The following STIMATE variants were observed in gnomAD, a reference collection of about 807,000 sequenced individuals.
STIMATE encodes store-operated calcium entry regulator STIMATE.
A neutral mutation model predicts 36.7 loss-of-function variants in STIMATE; 15 were observed. That is an observed-to-expected ratio of 0.41 (90% CI 0.27 to 0.63). The LOEUF (loss-of-function observed/expected upper bound fraction) is 0.63, where lower values mean the gene tolerates loss of function less well. Among genes scored for constraint, STIMATE ranks in the 20% least tolerant of loss-of-function variants. STIMATE has a pLI of 0.32. For missense variants in STIMATE, 305 were observed against 397.3 expected (o/e 0.77, Z 1.98); for synonymous variants, 163 against 162.3 (o/e 1.00, Z -0.03).
At chr3:52,880,000 G>A (rs1330906783) in intron 1 of STIMATE, among the ~76,000 whole-genome samples, 1 of 152,174 alleles carries the variant, frequency 6.6e-6, no homozygotes, top group Non-Finnish European at 1.5e-5. Context: ...TGTCTTCTTT[G>A]ATTCCTGCCT....
intron 5 of STIMATE, among the ~76,000 whole-genome samples, 168 bp from the exon 6 acceptor site, chr3:52,843,966 C>T (rs576830865): frequency 6.6e-6 from 1 of 152,300 alleles, no homozygotes; most frequent in Admixed American, 6.5e-5. Context: ...AGACTGTCCA[C>T]AAGGAACCCT....
chr3:52,870,147 G>A (rs142471795), intron 1 of STIMATE, among the ~76,000 whole-genome samples: 4 of 152,258 alleles, frequency 2.6e-5, no homozygotes, highest in African/African-American at 7.2e-5. Context: ...TTGTAGAGAC[G>A]GGGTTTCACC....
In STIMATE at chr3:52,852,302, C is replaced by T. The variant is rs145433164; in HGVS notation, c.305+301G>A. 8.5e-5 allele frequency among the ~76,000 whole-genome samples: 13 copies of T among 152,224 alleles called. No homozygotes were observed. In the East Asian group the frequency reaches 2.3e-3, roughly 27 times the overall value. On this transcript the variant is annotated intron_variant, in intron 3 of 7. Coordinates refer to ENST00000355083, the MANE Select transcript of STIMATE (RefSeq NM_198563.5). ...GGGCATTATCCTTCCTTGCCAGGGG[C>T]GGCTTGGAAACTGGGAGACATAAGG...
intron 1 of STIMATE, among the ~76,000 whole-genome samples, chr3:52,894,170 C>T (rs867198877): frequency 6.6e-6 from 1 of 152,240 alleles, no homozygotes; most frequent in Non-Finnish European, 1.5e-5. Flanking sequence ...CTAGCAGACA[C>T]TTCAGAAAAC....
intron 1 of STIMATE, among the ~76,000 whole-genome samples, chr3:52,881,061 C>T (rs1488511796): frequency 6.6e-6 from 1 of 152,064 alleles, no homozygotes; most frequent in African/African-American, 2.4e-5. Flanking sequence ...GGTGGGCATG[C>T]CTGTAATCCC....
At position 52,836,799 on chromosome 3, in the gene STIMATE, C is replaced by T. The variant is rs1365004616; in HGVS notation, c.*3695G>A. On this transcript the variant is annotated 3_prime_UTR_variant, in exon 8 of 8. Coordinates refer to ENST00000355083, the MANE Select transcript of STIMATE (RefSeq NM_198563.5). ...TGTAAACCATTTTACAATGTAAGTA[C>T]ATCATCTTCTCTTTCATTTCAAAAA... 4 of 296,060 alleles carry T rather than the reference C, an allele frequency of 1.4e-5. No homozygotes were observed. The highest frequency in any genetic ancestry group is 3.1e-5 in the South Asian group (1 of 32,712). 18.3% of individuals were successfully genotyped at this position (296,060 alleles called of 1,614,324 possible).
chr3:52,874,787 A>C (rs1054948793), intron 1 of STIMATE, among the ~76,000 whole-genome samples: 1 of 152,230 alleles, frequency 6.6e-6, no homozygotes, highest in South Asian at 2.1e-4. Flanking sequence ...GGTTGCAGTG[A>C]GCCAAAATCT....
chr3:52,843,254 G>T (rs11720228), intron 6 of STIMATE: 1 of 452,872 alleles, frequency 2.2e-6, no homozygotes. Context: ...CTCTGGACAC[G>T]CGTTCCAGGC....
At position 52,861,583 on chromosome 3, in the gene STIMATE, G is replaced by A. The variant is rs552464161; in HGVS notation, c.161-6139C>T. Among the ~76,000 whole-genome samples the A allele has an allele frequency of 1.5e-3, 228 of 152,326 alleles. 1 individual carries two copies. The highest frequency in any genetic ancestry group is 2.9e-3 in the African/African-American group (122 of 41,572). ...GGGGCTGCTATGACCGGCTAGGCAC[G>A]TTGTCTCCAGGATTAAATGAGAAGA... On this transcript the variant is annotated intron_variant, in intron 1 of 7. Transcript: ENST00000355083.
chr3:52,845,090 A>T (rs1700871555), intron 4 of STIMATE, 149 bp from the exon 5 acceptor site: 1 of 617,892 alleles, frequency 1.6e-6, no homozygotes. Flanking sequence ...CCAAAGGATT[A>T]CCTCATCCTT....
intron 1 of STIMATE, among the ~76,000 whole-genome samples, chr3:52,874,631 C>T (rs373318406): frequency 2.0e-5 from 3 of 152,216 alleles, no homozygotes; most frequent in African/African-American, 7.2e-5. Flanking sequence ...GAGGCTGAGC[C>T]GGGCGGATCA....
chr3:52,883,180 C>A (rs1701637485), intron 1 of STIMATE, among the ~76,000 whole-genome samples: 1 of 152,186 alleles, frequency 6.6e-6, no homozygotes, highest in Admixed American at 6.5e-5. Context: ...GTTTTTAAAT[C>A]TGCTTTCATT....
intron 3 of STIMATE, among the ~76,000 whole-genome samples, chr3:52,851,746 A>G (rs1701003404): frequency 6.6e-6 from 1 of 152,244 alleles, no homozygotes; most frequent in Non-Finnish European, 1.5e-5. Flanking sequence ...TCACTTAGCA[A>G]ACATTTACAA....
Position 52,839,933 on chromosome 3 carries a change from G to A in STIMATE, c.*561C>T, listed in dbSNP as rs559986237. 3 of 152,626 alleles carry A rather than the reference G, an allele frequency of 2.0e-5. No homozygotes were observed. Among genetic ancestry groups the A allele is most frequent in the Non-Finnish European group, 4.4e-5 (3 of 68,034 alleles). 9.5% of individuals were successfully genotyped at this position (152,626 alleles called of 1,614,324 possible). ...TGCCCATTAGTCCCGTAAGTACTTT[G>A]TAGGAAATAAACACATACCCCCAAC... On this transcript the variant is annotated 3_prime_UTR_variant, in exon 8 of 8. Coordinates refer to ENST00000355083, the MANE Select transcript of STIMATE (RefSeq NM_198563.5).
chr3:52,887,898 T>C (rs1435337777), intron 1 of STIMATE, among the ~76,000 whole-genome samples: 1 of 151,410 alleles, frequency 6.6e-6, no homozygotes, highest in Non-Finnish European at 1.5e-5. Context: ...ATGATTTATT[T>C]AAACACACTG....
At chr3:52,875,739 G>C (rs1701493777) in intron 1 of STIMATE, among the ~76,000 whole-genome samples, 1 of 152,198 alleles carries the variant, frequency 6.6e-6, no homozygotes, top group African/African-American at 2.4e-5. Context: ...CAACTTACTA[G>C]GATAAACCCC....
At chr3:52,879,825 G>A (rs1033861290) in intron 1 of STIMATE, among the ~76,000 whole-genome samples, 6 of 152,196 alleles carry the variant, frequency 3.9e-5, no homozygotes, top group Non-Finnish European at 2.9e-5. Flanking sequence ...GGCTGGCAGA[G>A]AGCTTGCTTA....
chr3:52,878,672 T>C (rs965422933), intron 1 of STIMATE, among the ~76,000 whole-genome samples: 1 of 152,188 alleles, frequency 6.6e-6, no homozygotes, highest in African/African-American at 2.4e-5. Context: ...TTTATTCTGA[T>C]AGCATCGAAC....
chr3:52,857,081 G>A (rs1701112758), intron 1 of STIMATE, among the ~76,000 whole-genome samples: 1 of 152,190 alleles, frequency 6.6e-6, no homozygotes, highest in Non-Finnish European at 1.5e-5. Flanking sequence ...GAGGGTGCAG[G>A]AGGAGAAGGG....
Sources: allele counts gnomAD v4.1 joint callset (sites outside exome capture counted in the v4.1 genomes callset), GRCh38; gene constraint gnomAD v4.1.1; transcripts MANE v1.5; gene names NCBI Gene and HGNC (gene_info 2026-07-23, HGNC 2026-07-21).